The following DAAM2 variants were observed in gnomAD, a reference collection of about 807,000 sequenced individuals.
The protein encoded by DAAM2 is dishevelled associated activator of morphogenesis 2, also known as disheveled-associated activator of morphogenesis 2.
Under a neutral mutation model 120.7 loss-of-function variants are expected in DAAM2, and 39 were observed. The ratio of observed to expected loss-of-function variants is 0.32; its 90% CI spans 0.25 to 0.42. The LOEUF (loss-of-function observed/expected upper bound fraction) is 0.42. Ranked by LOEUF, DAAM2 falls within the 10% of genes least tolerant of loss-of-function variation. The pLI is 1.00. For synonymous variants in DAAM2, 488 were observed against 524.9 expected, an observed-to-expected ratio of 0.93 and a Z score of 0.96; for missense variants, 1,283 against 1,401.7, an observed-to-expected ratio of 0.92 and a Z score of 1.35.
intron 6 of DAAM2, 147 bp downstream of exon 6, chr6:39,867,990 T>TGAA (rs1275095751): frequency 2.8e-6 from 2 of 702,260 alleles, no homozygotes; most frequent in Admixed American, 2.6e-5. Context: ...AGGTAACAGG[T>TGAA]GAAGAGTACT....
At chr6:39,837,738 G>T (rs1370775650) in intron 1 of DAAM2, among the ~76,000 whole-genome samples, 1 of 150,814 alleles carries the variant, frequency 6.6e-6, no homozygotes, top group Admixed American at 6.6e-5. Flanking sequence ...GGGGCTTCAT[G>T]TGTCTGTTTC....
At chr6:39,881,031 A>G (rs1448329537) in intron 14 of DAAM2, among the ~76,000 whole-genome samples, 2 of 152,268 alleles carry the variant, frequency 1.3e-5, no homozygotes, top group Non-Finnish European at 2.9e-5. Flanking sequence ...TCCTATTGTC[A>G]CAATTTATAA....
At position 39,835,752 on chromosome 6, in the gene DAAM2, G is replaced by A. The variant is rs79556646; in HGVS notation, c.-56-20495G>A. Among the ~76,000 whole-genome samples the A allele has an allele frequency of 2.1e-4, 32 of 152,320 alleles. No homozygotes were observed. The East Asian group carries it at 6.2e-3, about 29-fold the overall frequency. On this transcript the variant is annotated intron_variant, in intron 1 of 24. Coordinates refer to ENST00000274867, the MANE Select transcript of DAAM2 (RefSeq NM_001201427.2). ...GCCGAGAGGACTCTGTGGTTGAGTG[G>A]TTGGAAGAAGGCTGTTGGTGCCCCT... is the stretch of plus-strand genomic sequence containing the variant.
At chr6:39,798,352 G>A (rs940604753) in intron 1 of DAAM2, among the ~76,000 whole-genome samples, 6 of 152,182 alleles carry the variant, frequency 3.9e-5, no homozygotes, top group African/African-American at 9.7e-5. Context: ...AGCCCCTGGC[G>A]GAGAGTAACA....
intron 1 of DAAM2, among the ~76,000 whole-genome samples, chr6:39,844,911 C>CCACCACACATACATACACCACACA (rs1763500863): frequency 6.8e-6 from 1 of 147,346 alleles, no homozygotes; most frequent in African/African-American, 2.5e-5. Flanking sequence ...CTACACCCCT[C>CCACCACACATACATACACCACACA]CACCACACAT....
In DAAM2 at chr6:39,878,076, C is replaced by T; in HGVS notation, c.1302-127C>T. 1 of 910,600 alleles carries T rather than the reference C, an allele frequency of 1.1e-6. No individual in the cohort carries two copies. Among genetic ancestry groups the T allele is most frequent in the Non-Finnish European group, 1.7e-6 (1 of 591,754 alleles). The allele number at this position is 910,600 out of a possible 1,614,324, so 56.4% of individuals were successfully genotyped here. ...CACCTGGGAAGTCTAAATCCTAGCC[C>T]CCTTGATGTGGCTGGACAGATTGGA... On this transcript the variant is annotated intron_variant, in intron 11 of 24. Transcript: ENST00000274867. The surrounding 1 kb of genome is among the most constrained non-coding windows in gnomAD (Gnocchi z 5.0).
At chr6:39,873,520 T>C (rs1461253694) in intron 10 of DAAM2, among the ~76,000 whole-genome samples, 165 bp downstream of exon 10, 3 of 152,214 alleles carry the variant, frequency 2.0e-5, no homozygotes, top group Non-Finnish European at 4.4e-5. Flanking sequence ...CTGCTTTTCC[T>C]TCCCTCCTTG....
In DAAM2 at chr6:39,901,229, C is replaced by A; in HGVS notation, c.2812-73C>A. ...CGCTGGGCTCTGCTCTGGCTAGAACCCAGCTAACCTCAGGGGCTGAGCCCA... is the reference window on the plus strand; with the variant it reads ...CGCTGGGCTCTGCTCTGGCTAGAACACAGCTAACCTCAGGGGCTGAGCCCA... On this transcript the variant is annotated intron_variant, in intron 23 of 24. Coordinates refer to ENST00000274867, the MANE Select transcript of DAAM2 (RefSeq NM_001201427.2). The surrounding 1 kb of genome is among the most constrained non-coding windows in gnomAD (Gnocchi z 4.5). The A allele has an allele frequency of 6.9e-7, 1 of 1,449,380 alleles. No homozygotes were observed. The highest frequency in any genetic ancestry group is 9.5e-7 in the Non-Finnish European group (1 of 1,050,260). 89.8% of individuals were successfully genotyped at this position (1,449,380 alleles called of 1,614,324 possible). A position where few individuals can be genotyped will look rare whatever the true frequency, so the allele number is the denominator to read the frequency against.
intron 23 of DAAM2, among the ~76,000 whole-genome samples, chr6:39,900,597 C>T (rs1350639256): frequency 1.3e-5 from 2 of 152,156 alleles, no homozygotes; most frequent in African/African-American, 4.8e-5. Flanking sequence ...ACATGATTAC[C>T]ATGCCTCTAT....
Position 39,901,504 on chromosome 6 carries a change from G to A in DAAM2, c.2982+32G>A. ...GGCAGTGCCAGGCCTGGGACTGAGG[G>A]GAGACGGGTGCTACTTGGGGAGAAC... On this transcript the variant is annotated intron_variant, in intron 24 of 24. Transcript: ENST00000274867. This position sits in a 1 kb window ranked among gnomAD's most constrained non-coding sequence, Gnocchi z 4.5. 1.9e-6 allele frequency: 3 copies of A among 1,585,652 alleles called. No homozygotes were observed. Among genetic ancestry groups the A allele is most frequent in the African/African-American group, 1.4e-5 (1 of 73,850 alleles).
intron 14 of DAAM2, chr6:39,882,469 A>T (rs942474898): frequency 4.6e-5 from 7 of 151,606 alleles, no homozygotes; most frequent in Non-Finnish European, 8.9e-5. Flanking sequence ...AGAATAGAGA[A>T]GGATGGGAAG....
Position 39,870,334 on chromosome 6 carries a change from C to T in DAAM2, c.874-6C>T. 1 of 1,548,550 alleles carries T rather than the reference C, an allele frequency of 6.5e-7. No individual in the cohort carries two copies. The highest frequency in any genetic ancestry group is 8.8e-7 in the Non-Finnish European group (1 of 1,139,430). On this transcript the variant is annotated splice_region_variant and splice_polypyrimidine_tract_variant and intron_variant, in intron 7 of 24. Coordinates refer to ENST00000274867, the MANE Select transcript of DAAM2 (RefSeq NM_001201427.2). ...ATGAGTCTGGCCCTCCCTTGGTGAC[C>T]CCCAGGATAATCTGGAGTTCCGCCT...
intron 1 of DAAM2, among the ~76,000 whole-genome samples, chr6:39,794,623 C>T (rs1183838736): frequency 1.3e-5 from 2 of 152,044 alleles, no homozygotes; most frequent in African/African-American, 4.8e-5. Context: ...AATACTACTG[C>T]TTGCTGTGAG....
At chr6:39,835,265 T>C (rs1763060331) in intron 1 of DAAM2, among the ~76,000 whole-genome samples, 3 of 152,218 alleles carry the variant, frequency 2.0e-5, no homozygotes, top group Non-Finnish European at 4.4e-5. Flanking sequence ...ATTTCTAAAG[T>C]CTGCAGGGTG....
At chr6:39,868,595 T>TG (rs1209653122) in intron 6 of DAAM2, 1 of 548,186 alleles carries the variant, frequency 1.8e-6, no homozygotes, top group Non-Finnish European at 3.3e-6. Context: ...CCCCAAAGGC[T>TG]GAGTGGAGAG....
At position 39,902,206 on chromosome 6, in the gene DAAM2, C is replaced by G. The variant is rs1766535353; in HGVS notation, c.*169C>G. 2.0e-6 allele frequency: 1 copy of G among 499,490 alleles called. No homozygotes were observed. Among genetic ancestry groups the G allele is most frequent in the African/African-American group, 2.0e-5 (1 of 50,750 alleles). The allele number at this position is 499,490 out of a possible 1,614,324, so 30.9% of individuals were successfully genotyped here. On this transcript the variant is annotated 3_prime_UTR_variant, in exon 25 of 25. Transcript: ENST00000274867. The stretch of plus-strand genomic sequence containing the variant: ...GGACCAGGTGTCTCCCCACGCTTAC[C>G]TTAAGGGGCTCCTCTTATCTCCCCT...
At chr6:39,863,307 T>C (rs1355143467) in intron 3 of DAAM2, among the ~76,000 whole-genome samples, 3 of 152,174 alleles carry the variant, frequency 2.0e-5, no homozygotes, top group Admixed American at 6.5e-5. Context: ...GAAGGCAGAA[T>C]GTTTGGCCTT....
chr6:39,897,034 G>C lies in DAAM2; in HGVS notation c.2510+54G>C, dbSNP rs903759499. 1.2e-4 allele frequency: 192 copies of C among 1,565,974 alleles called. 2 individuals are homozygous for C. The East Asian group carries it at 3.4e-3, about 27-fold the overall frequency. ...TTGGCCTCTATCTCACCCTACCCTGGCCTCTCACATCCTCCCTCTATTAGG... is the reference window on the plus strand; with the variant it reads ...TTGGCCTCTATCTCACCCTACCCTGCCCTCTCACATCCTCCCTCTATTAGG... On this transcript the variant is annotated intron_variant, in intron 20 of 24. Transcript: ENST00000274867.
At chr6:39,833,229 A>C (rs1235320345) in intron 1 of DAAM2, among the ~76,000 whole-genome samples, 2 of 151,926 alleles carry the variant, frequency 1.3e-5, no homozygotes, top group African/African-American at 4.8e-5. Context: ...TAGTACTAGA[A>C]AGATTTTCTT....
Sources: allele counts gnomAD v4.1 joint callset (sites outside exome capture counted in the v4.1 genomes callset), GRCh38; gene constraint gnomAD v4.1.1; non-coding constraint Gnocchi (gnomAD v3.1); transcripts MANE v1.5; gene names NCBI Gene and HGNC (gene_info 2026-07-23, HGNC 2026-07-21).